The following ITGAE variants were observed in gnomAD, a reference collection of about 807,000 sequenced individuals.
ITGAE encodes integrin subunit alpha E, also known as integrin alpha-E.
In ITGAE, 99 loss-of-function variants were observed where a neutral mutation model predicts 136.5. The ratio of observed to expected loss-of-function variants is 0.73; its 90% CI spans 0.62 to 0.86. The LOEUF (loss-of-function observed/expected upper bound fraction) is 0.86. Ranked by LOEUF, ITGAE falls within the 40% of genes least tolerant of loss-of-function variation. ITGAE has a pLI of 0.00. For synonymous variants in ITGAE, 613 were observed against 591.8 expected, an observed-to-expected ratio of 1.04 and a Z score of -0.52; for missense variants, 1,447 against 1,515.3, an observed-to-expected ratio of 0.95 and a Z score of 0.75.
intron 26 of ITGAE, chr17:3,724,468 G>T: frequency 6.2e-7 from 1 of 1,613,802 alleles, no homozygotes; most frequent in Non-Finnish European, 8.5e-7. Flanking sequence ...CCCTGCCCCG[G>T]GTCCCCAACG....
intron 6 of ITGAE, 104 bp from the exon 7 acceptor site, chr17:3,760,391 A>T: frequency 3.4e-6 from 1 of 290,194 alleles, no homozygotes; most frequent in Non-Finnish European, 6.7e-6. Context: ...CAACCAGCTC[A>T]GTTCAGGGAA....
intron 23 of ITGAE, chr17:3,730,451 C>CAAAAA (rs1335957777): frequency 1.1e-5 from 1 of 90,852 alleles, no homozygotes; most frequent in Non-Finnish European, 3.1e-5. Context: ...GACTCTGTCT[C>CAAAAA]AAAAAATAAA....
chr17:3,753,606 C>A (rs1042258818), intron 13 of ITGAE, among the ~76,000 whole-genome samples, 176 bp from the exon 14 acceptor site: 1 of 152,206 alleles, frequency 6.6e-6, no homozygotes, highest in Non-Finnish European at 1.5e-5. Context: ...GCGGAGGAAA[C>A]TGCCTAGCAA....
At chr17:3,747,759 C>T (rs2051751992) in intron 17 of ITGAE, among the ~76,000 whole-genome samples, 163 bp downstream of exon 17, 1 of 152,034 alleles carries the variant, frequency 6.6e-6, no homozygotes, top group Non-Finnish European at 1.5e-5. Context: ...TTTAACAAAC[C>T]TGGAGACTAA....
rs1310296278 is a variant in ITGAE at position 3,714,957 on chromosome 17, G to T, written c.3445-15C>A. On this transcript the variant is annotated splice_polypyrimidine_tract_variant and intron_variant, in intron 30 of 30. Transcript: ENST00000263087. ...AAAAAGCCACACTGAAACAAAGGAA[G>T]GAAAAGTCCAGTTACAGGCCAAAGA... is the stretch of plus-strand genomic sequence containing the variant. The T allele has an allele frequency of 3.3e-6, 5 of 1,522,856 alleles. No homozygotes were observed. Among genetic ancestry groups the T allele is most frequent in the Admixed American group, 1.7e-5 (1 of 58,906 alleles). The allele number at this position is 1,522,856 out of a possible 1,614,324, so 94.3% of individuals were successfully genotyped here. A position where few individuals can be genotyped will look rare whatever the true frequency, so the allele number is the denominator to read the frequency against.
intron 20 of ITGAE, among the ~76,000 whole-genome samples, chr17:3,735,850 G>T (rs185414420): frequency 4.3e-4 from 66 of 152,198 alleles, no homozygotes; most frequent in African/African-American, 1.5e-3. Context: ...CCATTTTATA[G>T]AAGAGGAAAC....
At chr17:3,782,490 C>A (rs372266151) in intron 1 of ITGAE, among the ~76,000 whole-genome samples, 5 of 151,626 alleles carry the variant, frequency 3.3e-5, no homozygotes, top group African/African-American at 1.2e-4. Flanking sequence ...GCCTCAGCCT[C>A]CCAAGTAGCC....
At chr17:3,724,781 G>A (rs2051166257) in intron 26 of ITGAE, 5 of 1,614,078 alleles carry the variant, frequency 3.1e-6, no homozygotes, top group Non-Finnish European at 4.2e-6. Flanking sequence ...ATGGACCAGA[G>A]GGTCCAGGTC....
chr17:3,748,056 A>C lies in ITGAE; in HGVS notation c.2025-4T>G, dbSNP rs572543428. The C allele has an allele frequency of 1.2e-6, 2 of 1,605,602 alleles. No individual in the cohort carries two copies. Among genetic ancestry groups the C allele is most frequent in the East Asian group, 4.5e-5 (2 of 44,398 alleles). ...CAGGCGAACCACAGGCCGGGAGCTA[A>C]ACAAGACAGCAAAGAGGATGGGAGA... On this transcript the variant is annotated splice_region_variant and splice_polypyrimidine_tract_variant and intron_variant, in intron 16 of 30. Coordinates refer to ENST00000263087, the MANE Select transcript of ITGAE (RefSeq NM_002208.5).
chr17:3,777,209 C>A (rs552497214), intron 2 of ITGAE, among the ~76,000 whole-genome samples: 20 of 152,140 alleles, frequency 1.3e-4, no homozygotes, highest in Non-Finnish European at 2.5e-4. Flanking sequence ...GATCCGCCCG[C>A]CTCGGCCTCC....
chr17:3,760,180 A>G lies in ITGAE; in HGVS notation c.706T>C (p.Cys236Arg), dbSNP rs2052130410. 2 of 1,608,000 alleles carry G rather than the reference A, an allele frequency of 1.2e-6. No individual in the cohort carries two copies. The highest frequency in any genetic ancestry group is 1.7e-6 in the Non-Finnish European group (2 of 1,174,470). Residue 236 changes from cysteine (C) to arginine (R), a missense_variant, in exon 7 of 31, where the codon TGT (cysteine) becomes CGT (arginine). Around this residue, in one of 3 missense-constraint regions of ITGAE, gnomAD observed 310 missense variants for 416.1 expected, o/e 0.74. Coordinates refer to ENST00000263087, the MANE Select transcript of ITGAE (RefSeq NM_002208.5). The stretch of plus-strand genomic sequence containing the variant: ...CTCTTAGGGAAGCCCACCTCAAAAC[A>G]CTTTTCATAGAAGTTCCTCATCATG... Reference protein sequence around the residue: ...SNMMRNFYEKCFECNFALVQY... With the variant: ...SNMMRNFYEKRFECNFALVQY...
intron 1 of ITGAE, among the ~76,000 whole-genome samples, chr17:3,796,784 G>A (rs182684226): frequency 2.1e-4 from 32 of 152,110 alleles, no homozygotes; most frequent in East Asian, 9.7e-4. Flanking sequence ...CCAGCACACC[G>A]GGCAATTTCA....
At chr17:3,753,545 A>T (rs943396162) in intron 13 of ITGAE, 115 bp from the exon 14 acceptor site, 2 of 1,327,086 alleles carry the variant, frequency 1.5e-6, no homozygotes, top group Non-Finnish European at 2.1e-6. Context: ...TTACATATCA[A>T]TTTGCTCACT....
intron 29 of ITGAE, chr17:3,717,142 G>A (rs775821308): frequency 4.1e-4 from 93 of 228,724 alleles, no homozygotes; most frequent in Non-Finnish European, 6.8e-4. Flanking sequence ...CTGTCACGCC[G>A]CTACACTGCT....
Position 3,715,022 on chromosome 17 carries a change from C to G in ITGAE, c.3445-80G>C, listed in dbSNP as rs1022247275. ...AGAAAACCGGCATTCTGGCTGTTGC[C>G]TAAATAGCCCCTATATTCCTCTGCT... On this transcript the variant is annotated intron_variant, in intron 30 of 30. Coordinates refer to ENST00000263087, the MANE Select transcript of ITGAE (RefSeq NM_002208.5). 19 of 762,638 alleles carry G rather than the reference C, an allele frequency of 2.5e-5. No homozygotes were observed. In the African/African-American group the frequency reaches 3.3e-4, roughly 13 times the overall value. 47.2% of individuals were successfully genotyped at this position (762,638 alleles called of 1,614,324 possible).
chr17:3,758,949 C>T (rs1032775476), intron 8 of ITGAE, among the ~76,000 whole-genome samples: 1 of 151,552 alleles, frequency 6.6e-6, no homozygotes, highest in Non-Finnish European at 1.5e-5. Flanking sequence ...CATGGTGAAA[C>T]CCCACCTCTA....
At chr17:3,746,436 ATTTTCTTTTTTTTTTCTT>A (rs1471462508) in intron 17 of ITGAE, among the ~76,000 whole-genome samples, 201 of 149,950 alleles carry the variant, frequency 1.3e-3, no homozygotes, top group Non-Finnish European at 2.4e-3. Flanking sequence ...CAGGTCTGTT[ATTTTCTTTTTTTTTTCTT>A]TTTTCTTTTT....
rs780480003 is a variant in ITGAE at position 3,777,527 on chromosome 17, C to T, written c.155+13G>A. On this transcript the variant is annotated intron_variant, in intron 2 of 30. Coordinates refer to ENST00000263087, the MANE Select transcript of ITGAE (RefSeq NM_002208.5). ...CTCAGTCTGAAGGCCTCTTGCCCAC[C>T]GGCCCTACTCACCAGGTCTGGTTGG... is the stretch of plus-strand genomic sequence containing the variant. 7 of 1,600,028 alleles carry T rather than the reference C, an allele frequency of 4.4e-6. No individual in the cohort carries two copies. Among genetic ancestry groups the T allele is most frequent in the East Asian group, 2.2e-5 (1 of 44,642 alleles).
intron 1 of ITGAE, among the ~76,000 whole-genome samples, chr17:3,793,209 T>A (rs978586208): frequency 2.0e-5 from 3 of 152,016 alleles, no homozygotes; most frequent in Non-Finnish European, 2.9e-5. Context: ...CCCATCACCA[T>A]GCCCAGCTAA....
Sources: allele counts gnomAD v4.1 joint callset (sites outside exome capture counted in the v4.1 genomes callset), GRCh38; gene constraint gnomAD v4.1.1; regional missense constraint gnomAD v4.1.1; transcripts MANE v1.5; gene names NCBI Gene and HGNC (gene_info 2026-07-23, HGNC 2026-07-21).